Variants in CREBBP observed in about 807,000 individuals in gnomAD.
The protein encoded by CREBBP is CREB-binding protein.
In CREBBP, 19 loss-of-function variants were observed where a neutral mutation model predicts 265.0. The ratio of observed to expected loss-of-function variants is 0.07; its 90% confidence interval spans 0.05 to 0.11. The LOEUF is 0.11. CREBBP is among the 10% of genes least tolerant of loss of function. The pLI, the probability that CREBBP is intolerant of heterozygous loss-of-function variation, is 1.00. For synonymous variants in CREBBP, 1,457 were observed against 1,223.7 expected (o/e 1.19, Z -3.98); for missense variants, 2,525 against 3,219.0 (o/e 0.78, Z 5.22).
chr16:3,817,113 G>A (rs2054051163), intron 2 of CREBBP, among the ~76,000 whole-genome samples: 1 of 152,190 alleles, frequency 6.6e-6, no homozygotes, highest in Non-Finnish European at 1.5e-5. Flanking sequence ...CTTCGGAGTT[G>A]GTTTTCAGAA....
chr16:3,865,495 G>A (rs966255787), intron 1 of CREBBP, among the ~76,000 whole-genome samples: 6 of 152,170 alleles, frequency 3.9e-5, no homozygotes, highest in Admixed American at 1.3e-4. Flanking sequence ...GCGTCTGCCT[G>A]AATACAGATA....
chr16:3,767,663 A>C (rs958883007), intron 16 of CREBBP, 57 bp downstream of exon 16: 11 of 1,609,204 alleles, frequency 6.8e-6, no homozygotes, highest in Non-Finnish European at 9.4e-6. Flanking sequence ...TCCACATGGA[A>C]TCCTAACACC....
rs539683894 is a variant in CREBBP, at chr16:3,802,205, C to T, written c.975+8398G>A. 8.3e-5 allele frequency among the ~76,000 whole-genome samples: 11 copies of T among 132,300 alleles called. No individual in the cohort carries two copies. In the South Asian group the frequency reaches 2.6e-3, roughly 31 times the overall value. 86.8% of individuals were successfully genotyped at this position (132,300 alleles called of 152,430 possible). ...GGAGTGCAATAGCATGATCTCGGCT[C>T]ACTGCAACCTCTGCCTCCCAGATTC... is the stretch of plus-strand genomic sequence containing the variant. On this transcript the variant is annotated intron_variant, in intron 3 of 30. Transcript: ENST00000262367.
intron 16 of CREBBP, chr16:3,767,503 G>C (rs941341383): frequency 1.6e-6 from 1 of 634,860 alleles, no homozygotes; most frequent in Non-Finnish European, 2.7e-6. Context: ...CGGAGCAGCA[G>C]CTCATCTCTC....
chr16:3,820,359 T>C (rs1031263515), intron 2 of CREBBP, among the ~76,000 whole-genome samples: 7 of 152,198 alleles, frequency 4.6e-5, no homozygotes, highest in African/African-American at 1.4e-4. Context: ...CAGACAGCAC[T>C]TGGCTGTCCA....
intron 2 of CREBBP, among the ~76,000 whole-genome samples, chr16:3,839,263 C>T (rs2054517159): frequency 6.6e-6 from 1 of 152,246 alleles, no homozygotes; most frequent in South Asian, 2.1e-4. Context: ...GCCACTACAT[C>T]TGCAGAAGGC....
intron 16 of CREBBP, among the ~76,000 whole-genome samples, chr16:3,766,216 G>A (rs1394960959): frequency 6.6e-6 from 1 of 152,156 alleles, no homozygotes; most frequent in Non-Finnish European, 1.5e-5. Context: ...CAGTGCTATA[G>A]ATTCTGGTTC....
chr16:3,818,094 C>T (rs1029250736), intron 2 of CREBBP, among the ~76,000 whole-genome samples: 2 of 152,006 alleles, frequency 1.3e-5, no homozygotes, highest in African/African-American at 2.4e-5. Flanking sequence ...CATCTCCAAA[C>T]GTCATTTTGA....
intron 27 of CREBBP, 195 bp downstream of exon 27, chr16:3,736,455 T>C: frequency 1.2e-6 from 1 of 849,346 alleles, no homozygotes; most frequent in South Asian, 1.6e-5. Flanking sequence ...ACTGTGCTGC[T>C]CTCAGACGGC....
At chr16:3,816,059 GTTTC>G (rs1259965214) in intron 2 of CREBBP, among the ~76,000 whole-genome samples, 4 of 151,990 alleles carry the variant, frequency 2.6e-5, no homozygotes, top group Non-Finnish European at 5.9e-5. Flanking sequence ...CATATTAGAA[GTTTC>G]TTTTACTCTG....
At chr16:3,875,629 C>T (rs933176620) in intron 1 of CREBBP, among the ~76,000 whole-genome samples, 1 of 152,200 alleles carries the variant, frequency 6.6e-6, no homozygotes, top group African/African-American at 2.4e-5. Flanking sequence ...TTGGCAGGTT[C>T]CTGGGTCGAT....
chr16:3,824,255 C>T (rs1164558630), intron 2 of CREBBP, among the ~76,000 whole-genome samples: 3 of 152,266 alleles, frequency 2.0e-5, no homozygotes, highest in African/African-American at 7.2e-5. Context: ...ACACAGTTGA[C>T]CGAGGCTACG....
At chr16:3,754,866 T>G (rs560017362) in intron 19 of CREBBP, among the ~76,000 whole-genome samples, 1 of 152,306 alleles carries the variant, frequency 6.6e-6, no homozygotes, top group Admixed American at 6.5e-5. Context: ...AGACAATTAT[T>G]CATAAGAACA....
intron 21 of CREBBP, chr16:3,745,633 T>A (rs2052324222): frequency 2.0e-6 from 1 of 488,518 alleles, no homozygotes; most frequent in African/African-American, 1.9e-5. Context: ...TTTTAAAAAT[T>A]GCTGCGACAA....
In CREBBP at chr16:3,726,747, A is replaced by G. The variant is rs977694866; in HGVS notation, c.*971T>C. ...GTCCAAATACAATGTTGAAAACAGC[A>G]TTTTCATAACAAAAAACCCCGAACA... is the stretch of plus-strand genomic sequence containing the variant. On this transcript the variant is annotated 3_prime_UTR_variant, in exon 31 of 31. Transcript: ENST00000262367. 8.6e-6 allele frequency: 2 copies of G among 233,496 alleles called. No homozygotes were observed. Among genetic ancestry groups the G allele is most frequent in the African/African-American group, 4.4e-5 (2 of 45,356 alleles). 14.5% of individuals were successfully genotyped at this position (233,496 alleles called of 1,614,324 possible).
At chr16:3,818,764 C>T (rs1050512057) in intron 2 of CREBBP, among the ~76,000 whole-genome samples, 3 of 152,148 alleles carry the variant, frequency 2.0e-5, no homozygotes, top group African/African-American at 7.2e-5. Flanking sequence ...GGGGGTGTCA[C>T]TGATGCTGGT....
At chr16:3,864,966 C>G (rs2055147796) in intron 1 of CREBBP, among the ~76,000 whole-genome samples, 1 of 152,132 alleles carries the variant, frequency 6.6e-6, no homozygotes, top group Admixed American at 6.5e-5. Context: ...GGCTGAGGCA[C>G]CAGAATCACT....
At chr16:3,743,053 G>GCT (rs2052255597) in intron 23 of CREBBP, 1 of 152,178 alleles carries the variant, frequency 6.6e-6, no homozygotes, top group Admixed American at 6.5e-5. Flanking sequence ...ATGCATTAGC[G>GCT]AACTCACTCA....
Position 3,726,550 on chromosome 16 carries a change from C to T in CREBBP, c.*1168G>A, listed in dbSNP as rs1397164051. The T allele has an allele frequency of 4.3e-6, 1 of 233,612 alleles. No individual in the cohort carries two copies. The highest frequency in any genetic ancestry group is 2.2e-5 in the African/African-American group (1 of 45,342). The allele number at this position is 233,612 out of a possible 1,614,324, so 14.5% of individuals were successfully genotyped here. ...CCCCAGCCTCTCCGCTATGAGCGAA[C>T]AACCAGAACCATGTCTTACAAAGAA... On this transcript the variant is annotated 3_prime_UTR_variant, in exon 31 of 31. Coordinates refer to ENST00000262367, the MANE Select transcript of CREBBP (RefSeq NM_004380.3).
Sources: gnomAD v4.1 joint callset for allele counts (sites outside exome capture counted in the v4.1 genomes callset) on GRCh38, gnomAD v4.1.1 for gene constraint, MANE v1.5 for transcripts, NCBI Gene and HGNC (gene_info 2026-07-23, HGNC 2026-07-21) for gene names.